Variants in ANO3 observed in about 807,000 individuals in gnomAD.
ANO3 encodes anoctamin-3.
A neutral mutation model predicts 144.8 loss-of-function variants in ANO3; 99 were observed. The observed-to-expected ratio is 0.68, with a 90% CI of 0.58 to 0.81. The LOEUF (loss-of-function observed/expected upper bound fraction) is 0.81. Ranked by LOEUF, ANO3 falls within the 30% of genes least tolerant of loss-of-function variation. The probability of loss-of-function intolerance (pLI) is 0.00; values close to 1 mark genes in which losing one functional copy is unlikely to be tolerated. For missense variants in ANO3, 905 were observed against 1,202.2 expected (o/e 0.75, Z 3.66); for synonymous variants, 414 against 392.6 (o/e 1.05, Z -0.64).
At chr11:26,204,882 G>A (rs1851767225) in intron 1 of ANO3, among the ~76,000 whole-genome samples, 1 of 152,096 alleles carries the variant, frequency 6.6e-6, no homozygotes, top group African/African-American at 2.4e-5. Context: ...TGTACCTTGT[G>A]TTAATCTGTT....
intron 1 of ANO3, among the ~76,000 whole-genome samples, chr11:26,222,550 C>T (rs917487606): frequency 1.3e-5 from 2 of 152,368 alleles, no homozygotes; most frequent in East Asian, 3.9e-4. Context: ...TCCCTCTCCT[C>T]ACTGCCTTAG....
chr11:26,344,405 G>T (rs1361296155), intron 1 of ANO3, among the ~76,000 whole-genome samples: 4 of 139,358 alleles, frequency 2.9e-5, no homozygotes, highest in African/African-American at 1.1e-4. Context: ...TCACTCTGTC[G>T]CCCAGGCTGG....
intron 7 of ANO3, 118 bp downstream of exon 7, chr11:26,525,797 T>A (rs1443928843): frequency 1.4e-6 from 1 of 706,914 alleles, no homozygotes; most frequent in Non-Finnish European, 2.3e-6. Flanking sequence ...TCTATTGATT[T>A]GTCGAAGATA....
chr11:26,533,415 T>C (rs962971274), intron 8 of ANO3, among the ~76,000 whole-genome samples: 5 of 152,184 alleles, frequency 3.3e-5, no homozygotes, highest in Non-Finnish European at 7.3e-5. Flanking sequence ...ACCTAATAAT[T>C]ATACAAATTG....
chr11:26,367,130 G>T (rs1002547973), intron 1 of ANO3, among the ~76,000 whole-genome samples: 22 of 152,150 alleles, frequency 1.4e-4, no homozygotes, highest in African/African-American at 5.3e-4. Context: ...AGACTTAAAT[G>T]TTAGACCTAA....
chr11:26,619,759 G>A (rs61310948), intron 17 of ANO3, among the ~76,000 whole-genome samples: 5 of 152,082 alleles, frequency 3.3e-5, no homozygotes, highest in African/African-American at 4.8e-5. Context: ...GAGCCACTGC[G>A]CCCGGCCAAA....
chr11:26,297,385 T>C (rs966662485), intron 1 of ANO3, among the ~76,000 whole-genome samples: 11 of 152,142 alleles, frequency 7.2e-5, no homozygotes, highest in Middle Eastern at 3.2e-3. Flanking sequence ...TGTGGGCCTG[T>C]CATACAATGA....
At chr11:26,344,498 TG>T (rs1855450594) in intron 1 of ANO3, among the ~76,000 whole-genome samples, 1 of 151,734 alleles carries the variant, frequency 6.6e-6, no homozygotes, top group Non-Finnish European at 1.5e-5. Flanking sequence ...CCCGAGTAGC[TG>T]GGACTACAGG....
At chr11:26,321,283 G>A (rs118172266) in intron 1 of ANO3, among the ~76,000 whole-genome samples, 286 of 151,768 alleles carry the variant, frequency 1.9e-3, no homozygotes, top group Non-Finnish European at 3.3e-3. Flanking sequence ...ATAGACTTCC[G>A]TAACATTTTT....
chr11:26,262,220 G>T (rs1853206577), intron 1 of ANO3, among the ~76,000 whole-genome samples: 1 of 152,106 alleles, frequency 6.6e-6, no homozygotes, highest in South Asian at 2.1e-4. Flanking sequence ...ATACTTCTGT[G>T]AAAATGCTCT....
intron 1 of ANO3, among the ~76,000 whole-genome samples, chr11:26,315,686 C>CTATCCATCTATCT (rs1564961787): frequency 8.3e-5 from 9 of 108,228 alleles, no homozygotes; most frequent in African/African-American, 2.0e-4. Flanking sequence ...TCTATCTATC[C>CTATCCATCTATCT]ATCTATCTAT....
At chr11:26,346,663 G>C (rs765985907) in intron 1 of ANO3, among the ~76,000 whole-genome samples, 1 of 152,162 alleles carries the variant, frequency 6.6e-6, no homozygotes, top group Admixed American at 6.5e-5. Flanking sequence ...CAGTGCTTTT[G>C]GGTTTCTGCA....
intron 14 of ANO3, chr11:26,565,935 A>C: frequency 6.7e-7 from 1 of 1,490,066 alleles, no homozygotes; most frequent in Non-Finnish European, 9.0e-7. Context: ...CCTTAAATAA[A>C]ATACTCTGAG....
intron 1 of ANO3, among the ~76,000 whole-genome samples, chr11:26,356,227 TGTAA>T (rs1855780133): frequency 6.6e-6 from 1 of 152,170 alleles, no homozygotes; most frequent in South Asian, 2.1e-4. Context: ...TAGATACATA[TGTAA>T]GTAATTTAGA....
intron 1 of ANO3, among the ~76,000 whole-genome samples, chr11:26,417,379 C>CA (rs1194607532): frequency 6.6e-6 from 1 of 152,032 alleles, no homozygotes; most frequent in East Asian, 1.9e-4. Flanking sequence ...CTGATACTCA[C>CA]AAAAAATATG....
At chr11:26,293,877 A>C (rs1854024808) in intron 1 of ANO3, among the ~76,000 whole-genome samples, 1 of 152,080 alleles carries the variant, frequency 6.6e-6, no homozygotes, top group African/African-American at 2.4e-5. Context: ...TTTATAGGTG[A>C]AGAAACTGGC....
At chr11:26,223,434 A>G (rs1316933041) in intron 1 of ANO3, among the ~76,000 whole-genome samples, 1 of 151,974 alleles carries the variant, frequency 6.6e-6, no homozygotes, top group Non-Finnish European at 1.5e-5. Context: ...GTCTCTAGGA[A>G]GCTCTAAACT....
intron 4 of ANO3, among the ~76,000 whole-genome samples, chr11:26,500,709 A>G (rs1333924430): frequency 1.3e-5 from 2 of 151,978 alleles, no homozygotes; most frequent in East Asian, 3.9e-4. Context: ...GTTTCTTATC[A>G]GATGTTTGGT....
intron 1 of ANO3, among the ~76,000 whole-genome samples, chr11:26,345,745 A>G (rs546975944): frequency 6.6e-6 from 1 of 152,352 alleles, no homozygotes; most frequent in East Asian, 1.9e-4. Flanking sequence ...CTTGTCTTAA[A>G]GCCATGGGAG....
Sources: allele counts gnomAD v4.1 joint callset (sites outside exome capture counted in the v4.1 genomes callset), GRCh38; gene constraint gnomAD v4.1.1; transcripts MANE v1.5; gene names NCBI Gene and HGNC (gene_info 2026-07-23, HGNC 2026-07-21).